Variants in TBC1D22A observed in about 807,000 individuals in gnomAD.
The protein encoded by TBC1D22A is putative GTPase activator.
A neutral mutation model predicts 60.2 loss-of-function variants in TBC1D22A; 38 were observed. The observed-to-expected ratio is 0.63, with a 90% CI of 0.49 to 0.83. The LOEUF is 0.83. TBC1D22A is among the 40% of genes least tolerant of loss of function. The pLI, the probability that TBC1D22A is intolerant of heterozygous loss-of-function variation, is 0.00. For missense variants in TBC1D22A, 628 were observed against 701.0 expected, an observed-to-expected ratio of 0.90 and a Z score of 1.18; for synonymous variants, 302 against 281.7, an observed-to-expected ratio of 1.07 and a Z score of -0.72.
rs536934510 is a variant in TBC1D22A, at chr22:47,150,150, C to T, written c.1426-23348C>T. 5.6e-4 allele frequency among the ~76,000 whole-genome samples: 86 copies of T among 152,262 alleles called. No homozygotes were observed. In the South Asian group the frequency reaches 0.016, roughly 29 times the overall value. On this transcript the variant is annotated intron_variant, in intron 12 of 12. Coordinates refer to ENST00000337137, the MANE Select transcript of TBC1D22A (RefSeq NM_014346.5). ...GGAAAGGATAGCGAAGGGCCCCACG[C>T]GGCACGGGGCACAGTCACTGGTGCA...
intron 4 of TBC1D22A, among the ~76,000 whole-genome samples, chr22:46,840,385 T>C (rs2086699247): frequency 6.6e-6 from 1 of 152,032 alleles, no homozygotes; most frequent in Non-Finnish European, 1.5e-5. Flanking sequence ...ATCAGAGAAA[T>C]GCAAATAAAA....
chr22:46,849,818 A>C (rs6008989), intron 4 of TBC1D22A, among the ~76,000 whole-genome samples: 1 of 151,942 alleles, frequency 6.6e-6, no homozygotes, highest in African/African-American at 2.4e-5. Context: ...AGTTTCTCTC[A>C]TTCGGTTATG....
At chr22:46,913,770 G>A in intron 8 of TBC1D22A, 1 of 985,262 alleles carries the variant, frequency 1.0e-6, no homozygotes, top group Middle Eastern at 5.2e-4. Context: ...AATTAATGTG[G>A]TAAATAAGTT....
intron 8 of TBC1D22A, among the ~76,000 whole-genome samples, chr22:46,973,613 A>G (rs1330772455): frequency 1.3e-5 from 2 of 152,244 alleles, no homozygotes; most frequent in African/African-American, 4.8e-5. Flanking sequence ...ATTTATGAGT[A>G]TTTTGCTGGA....
chr22:47,093,603 T>G (rs2065062698), intron 11 of TBC1D22A, among the ~76,000 whole-genome samples: 1 of 152,126 alleles, frequency 6.6e-6, no homozygotes, highest in Admixed American at 6.5e-5. Flanking sequence ...AAATTGAATA[T>G]TTAAACCAGT....
intron 4 of TBC1D22A, among the ~76,000 whole-genome samples, chr22:46,815,277 G>T (rs1468137481): frequency 6.6e-6 from 1 of 152,214 alleles, no homozygotes; most frequent in Non-Finnish European, 1.5e-5. Context: ...GCGGTCGCTT[G>T]TTCACTCGTG....
chr22:47,082,773 A>G (rs780048981), intron 11 of TBC1D22A, among the ~76,000 whole-genome samples: 4 of 152,216 alleles, frequency 2.6e-5, no homozygotes, highest in Non-Finnish European at 4.4e-5. Context: ...CCCCAGGCAC[A>G]GCTGATGGGA....
intron 5 of TBC1D22A, among the ~76,000 whole-genome samples, chr22:46,882,595 G>T (rs1377483127): frequency 6.6e-6 from 1 of 152,194 alleles, no homozygotes; most frequent in Non-Finnish European, 1.5e-5. Flanking sequence ...GGCCTGCGTT[G>T]GAGGAGAGAG....
chr22:46,890,286 C>G (rs542058512), intron 5 of TBC1D22A, among the ~76,000 whole-genome samples: 1 of 151,984 alleles, frequency 6.6e-6, no homozygotes, highest in African/African-American at 2.4e-5. Context: ...TGCAGTGACC[C>G]GAGATCATGC....
rs935603178 is a variant in TBC1D22A at position 46,874,775 on chromosome 22, T to C, written c.638-3878T>C. Among the ~76,000 whole-genome samples the C allele has an allele frequency of 2.0e-5, 3 of 152,064 alleles. No homozygotes were observed. In the East Asian group the frequency reaches 5.8e-4, roughly 29 times the overall value. ...TTTTAGTAGAGATGGGATTTCACCATGTTGCCCAGGCTGGTCTCGAATTCC... is the reference window on the plus strand; with the variant it reads ...TTTTAGTAGAGATGGGATTTCACCACGTTGCCCAGGCTGGTCTCGAATTCC... On this transcript the variant is annotated intron_variant, in intron 4 of 12. Coordinates refer to ENST00000337137, the MANE Select transcript of TBC1D22A (RefSeq NM_014346.5).
intron 5 of TBC1D22A, among the ~76,000 whole-genome samples, chr22:46,889,330 C>T (rs907101260): frequency 3.3e-5 from 5 of 152,210 alleles, no homozygotes; most frequent in East Asian, 1.9e-4. Flanking sequence ...ATTAAAACCA[C>T]ACCCAACTGC....
intron 8 of TBC1D22A, among the ~76,000 whole-genome samples, chr22:46,921,391 C>T (rs1226184192): frequency 1.3e-5 from 2 of 152,150 alleles, no homozygotes; most frequent in South Asian, 2.1e-4. Context: ...CCTCCATCTC[C>T]GTCCATGTTG....
chr22:47,074,376 A>G (rs923362417), intron 11 of TBC1D22A, among the ~76,000 whole-genome samples: 1 of 152,240 alleles, frequency 6.6e-6, no homozygotes, highest in Non-Finnish European at 1.5e-5. Context: ...CTCGGTATCA[A>G]TGATTTCCAC....
intron 12 of TBC1D22A, among the ~76,000 whole-genome samples, chr22:47,142,504 A>G (rs1242885863): frequency 1.6e-5 from 1 of 61,886 alleles, no homozygotes; most frequent in African/African-American, 7.4e-5. Flanking sequence ...TTCACCCACT[A>G]TGCATCCATC....
chr22:47,137,001 C>T (rs911068691), intron 12 of TBC1D22A, among the ~76,000 whole-genome samples: 8 of 152,116 alleles, frequency 5.3e-5, no homozygotes, highest in Non-Finnish European at 7.4e-5. Context: ...AACCTGGTCC[C>T]GGGCCCTGGC....
At position 47,140,146 on chromosome 22, in the gene TBC1D22A, G is replaced by C. The variant is rs541142960; in HGVS notation, c.1425+28543G>C. 2.6e-5 allele frequency among the ~76,000 whole-genome samples: 4 copies of C among 152,176 alleles called. No individual in the cohort carries two copies. The South Asian group carries it at 8.3e-4, about 32-fold the overall frequency. On this transcript the variant is annotated intron_variant, in intron 12 of 12. Transcript: ENST00000337137. ...AGACCTAATGTTGAGCAAAAACTGA[G>C]CTGTGTGTATTTAGAAATCAATTGA...
chr22:46,834,277 TC>T (rs1041791590), intron 4 of TBC1D22A, among the ~76,000 whole-genome samples: 1 of 151,674 alleles, frequency 6.6e-6, no homozygotes, highest in Non-Finnish European at 1.5e-5. Context: ...TCAGCCCTCA[TC>T]CCCCCCAGCA....
At chr22:47,110,585 A>G (rs1330961074) in intron 11 of TBC1D22A, among the ~76,000 whole-genome samples, 1 of 152,162 alleles carries the variant, frequency 6.6e-6, no homozygotes, top group Non-Finnish European at 1.5e-5. Context: ...CTCTCTTCAC[A>G]CACAAACCCC....
chr22:47,049,338 GCA>G (rs1252337798), intron 11 of TBC1D22A, among the ~76,000 whole-genome samples: 14 of 152,358 alleles, frequency 9.2e-5, no homozygotes, highest in East Asian at 7.7e-4. Flanking sequence ...GAAGAAGCGG[GCA>G]TGGGCGCTGG....
Sources: allele counts gnomAD v4.1 joint callset (sites outside exome capture counted in the v4.1 genomes callset), GRCh38; gene constraint gnomAD v4.1.1; transcripts MANE v1.5; gene names NCBI Gene and HGNC (gene_info 2026-07-23, HGNC 2026-07-21).